The following EP400 variants were observed in gnomAD, a reference collection of about 807,000 sequenced individuals.
EP400 encodes the protein E1A binding protein p400, also known as E1A-binding protein p400.
EP400 carries 105 observed loss-of-function variants against 354.1 expected under a neutral mutation model. The ratio of observed to expected loss-of-function variants is 0.30; its 90% confidence interval spans 0.25 to 0.35. The LOEUF is 0.35. EP400 is among the 10% of genes least tolerant of loss of function. EP400 has a pLI of 1.00. For synonymous variants in EP400, 1,646 were observed against 1,716.9 expected (o/e 0.96, Z 1.02); for missense variants, 3,280 against 4,121.0 (o/e 0.80, Z 5.59).
intron 24 of EP400, among the ~76,000 whole-genome samples, chr12:132,024,444 A>G (rs979198147): frequency 1.2e-4 from 19 of 152,200 alleles, no homozygotes; most frequent in Non-Finnish European, 2.5e-4. Flanking sequence ...TCCCTAAAAC[A>G]CCACAGGATT....
chr12:132,065,052 T>G, intron 48 of EP400, 166 bp downstream of exon 48: 1 of 1,263,056 alleles, frequency 7.9e-7, no homozygotes, highest in African/African-American at 1.5e-5. Context: ...GACTCACCAC[T>G]CGTGGAACAT....
At chr12:131,985,886 G>A (rs949476300) in intron 5 of EP400, among the ~76,000 whole-genome samples, 1 of 152,202 alleles carries the variant, frequency 6.6e-6, no homozygotes, top group African/African-American at 2.4e-5. Flanking sequence ...GGTATTATAG[G>A]CGTGAGCCAC....
intron 15 of EP400, among the ~76,000 whole-genome samples, chr12:132,007,814 G>A (rs1426259412): frequency 6.6e-6 from 1 of 152,234 alleles, no homozygotes; most frequent in Admixed American, 6.5e-5. Flanking sequence ...GCTTAGGGAA[G>A]CGATGACCCC....
At chr12:131,971,629 T>G (rs1892291482) in intron 2 of EP400, among the ~76,000 whole-genome samples, 1 of 152,216 alleles carries the variant, frequency 6.6e-6, no homozygotes, top group African/African-American at 2.4e-5. Flanking sequence ...AGGGAAATGT[T>G]TAACAGACAT....
intron 47 of EP400, among the ~76,000 whole-genome samples, chr12:132,063,292 C>T (rs1183330229): frequency 6.6e-6 from 1 of 152,226 alleles, no homozygotes; most frequent in Non-Finnish European, 1.5e-5. Flanking sequence ...GCGGGCAGAG[C>T]ATTTAAGGTC....
intron 29 of EP400, 147 bp from the exon 30 acceptor site, chr12:132,031,806 C>G: frequency 1.4e-6 from 1 of 703,714 alleles, no homozygotes; most frequent in South Asian, 1.9e-5. Flanking sequence ...CCACCCACCT[C>G]GGCCTCCCAA....
intron 30 of EP400, among the ~76,000 whole-genome samples, chr12:132,032,651 G>C (rs1206047135): frequency 6.9e-6 from 1 of 144,746 alleles, no homozygotes; most frequent in Non-Finnish European, 1.5e-5. Flanking sequence ...TTTTTTTTGA[G>C]ATGGAGTCTT....
At chr12:131,974,219 TC>T (rs1267660500) in intron 2 of EP400, among the ~76,000 whole-genome samples, 1 of 152,144 alleles carries the variant, frequency 6.6e-6, no homozygotes, top group African/African-American at 2.4e-5. Context: ...CCTCAGGTAA[TC>T]CGCCTACCTC....
In EP400 at chr12:132,064,724, G is replaced by C; in HGVS notation, c.8391G>C (p.Pro2797=). 1 of 1,613,574 alleles carries C rather than the reference G, an allele frequency of 6.2e-7. No individual in the cohort carries two copies. Among genetic ancestry groups the C allele is most frequent in the Non-Finnish European group, 8.5e-7 (1 of 1,179,866 alleles). The change falls in exon 48 of 53, where the codon CCG becomes CCC. Residue 2797 remains proline, a synonymous_variant. Coordinates refer to ENST00000389561, the MANE Select transcript of EP400 (RefSeq NM_015409.5). ...QKLQMPPQPP[P]PQAQSAPPQP... ...TGCAGATGCCCCCGCAGCCCCCACC[G>C]CCACAGGCCCAGTCTGCGCCCCCGC...
intron 15 of EP400, among the ~76,000 whole-genome samples, chr12:132,007,330 T>C (rs1239918529): frequency 6.6e-6 from 1 of 152,272 alleles, no homozygotes; most frequent in Admixed American, 6.5e-5. Context: ...GGATTTCACC[T>C]GTCAATGGGG....
intron 30 of EP400, 59 bp downstream of exon 30, chr12:132,032,208 G>A (rs1410689275): frequency 1.3e-6 from 2 of 1,516,194 alleles, no homozygotes; most frequent in African/African-American, 1.4e-5. Flanking sequence ...ATACAGGTGA[G>A]GGCCTGCGGG....
Position 132,028,106 on chromosome 12 carries a change from A to G in EP400, c.5199A>G (p.Arg1733=). 1.2e-6 allele frequency: 2 copies of G among 1,614,212 alleles called. No individual in the cohort carries two copies. Among genetic ancestry groups the G allele is most frequent in the Non-Finnish European group, 1.7e-6 (2 of 1,180,036 alleles). Residue 1733 remains arginine (R), a synonymous_variant, in exon 27 of 53, where the codon AGA becomes AGG. Transcript: ENST00000389561. ...RRCSQAPVYG[R]DLLRICALPS... ...GTTCTCAAGCTCCAGTCTATGGCAG[A>G]GACTTGCTAAGGATTTGTGCCCTGC...
At position 132,018,298 on chromosome 12, in the gene EP400, C is replaced by A. The variant is rs769289977; in HGVS notation, c.4199C>A (p.Pro1400Gln). The A allele has an allele frequency of 1.2e-6, 2 of 1,613,502 alleles. No individual in the cohort carries two copies. The highest frequency in any genetic ancestry group is 1.7e-5 in the Admixed American group (1 of 59,778). ...GAGTTGCTGTCTAAGAAAAAGATACCGCGGAAACTCATGGAGGAAATCTCC... is the reference window on the plus strand; with the variant it reads ...GAGTTGCTGTCTAAGAAAAAGATACAGCGGAAACTCATGGAGGAAATCTCC... Reference protein sequence around the residue: ...EAELLSKKKIPRKLMEEISTS... With the variant: ...EAELLSKKKIQRKLMEEISTS... The change falls in exon 21 of 53, where the codon CCG becomes CAG. Residue 1400 changes from proline to glutamine, a missense_variant. By Grantham distance (76) the Pro-to-Gln change is moderately conservative. Coordinates refer to ENST00000389561, the MANE Select transcript of EP400 (RefSeq NM_015409.5). The surrounding 1 kb of genome is among the most constrained non-coding windows in gnomAD (Gnocchi z 4.0).
At chr12:132,065,077 C>A in intron 48 of EP400, 191 bp downstream of exon 48, 1 of 1,043,600 alleles carries the variant, frequency 9.6e-7, no homozygotes, top group Non-Finnish European at 1.3e-6. Flanking sequence ...ACAGCAGCAG[C>A]TCCCAGAGCC....
intron 19 of EP400, among the ~76,000 whole-genome samples, chr12:132,016,425 G>C (rs2136536957): frequency 6.6e-6 from 1 of 152,136 alleles, no homozygotes; most frequent in African/African-American, 2.4e-5. Flanking sequence ...CTGGAGTGCA[G>C]TGGCACGATC....
rs1007630631 is a variant in EP400, at chr12:132,011,527, A to C, written c.3334A>C (p.Arg1112=). The change falls in exon 16 of 53, where the codon AGA becomes CGA. Residue 1112 remains arginine (R), a synonymous_variant. Transcript: ENST00000389561. ...TTGGGGCCCCCATCTTGTTGTTGTG[A>C]GAAGTTGTAACATACTCAAGTGGGA... ...GNWGPHLVVV[R]SCNILKWELE... 1 of 1,613,778 alleles carries C rather than the reference A, an allele frequency of 6.2e-7. No individual in the cohort carries two copies. The highest frequency in any genetic ancestry group is 8.5e-7 in the Non-Finnish European group (1 of 1,179,950).
intron 51 of EP400, among the ~76,000 whole-genome samples, chr12:132,074,745 A>G (rs2136625337): frequency 6.6e-6 from 1 of 152,218 alleles, no homozygotes; most frequent in South Asian, 2.1e-4. Flanking sequence ...GGTTAAGTCA[A>G]ATCTGCTTCA....
At chr12:132,015,337 T>C (rs1262934562) in intron 19 of EP400, among the ~76,000 whole-genome samples, 1 of 152,238 alleles carries the variant, frequency 6.6e-6, no homozygotes. Context: ...CGCTTTGCCA[T>C]GTTGCTGAAG....
intron 41 of EP400, chr12:132,051,015 C>T: frequency 2.6e-6 from 1 of 380,520 alleles, no homozygotes; most frequent in South Asian, 2.7e-5. Context: ...AAGAACACAC[C>T]ACATTTAGGG....
Sources: allele counts gnomAD v4.1 joint callset (sites outside exome capture counted in the v4.1 genomes callset), GRCh38; gene constraint gnomAD v4.1.1; non-coding constraint Gnocchi (gnomAD v3.1); transcripts MANE v1.5; gene names NCBI Gene and HGNC (gene_info 2026-07-23, HGNC 2026-07-21).